The following GRXCR2 variants were observed in gnomAD, a reference collection of about 807,000 sequenced individuals.
The protein encoded by GRXCR2 is glutaredoxin and cysteine rich domain containing 2.
Under a neutral mutation model 24.8 loss-of-function variants are expected in GRXCR2, and 23 were observed. The ratio of observed to expected loss-of-function variants is 0.93; its 90% CI spans 0.67 to 1.32. The LOEUF is 1.32. Among genes scored for constraint, GRXCR2 ranks in the 40% most tolerant of loss-of-function variants. The pLI, the probability that GRXCR2 is intolerant of heterozygous loss-of-function variation, is 0.00. For missense variants in GRXCR2, 315 were observed against 303.4 expected (o/e 1.04, Z -0.28); for synonymous variants, 130 against 116.1 (o/e 1.12, Z -0.77).
At chr5:145,882,134 C>T (rs896642808) in intron 2 of GRXCR2, among the ~76,000 whole-genome samples, 7 of 152,100 alleles carry the variant, frequency 4.6e-5, no homozygotes, top group Non-Finnish European at 1.0e-4. Flanking sequence ...ACTAAAACAC[C>T]AAAAGCAATG....
At chr5:145,928,891 AC>A (rs1484265116) in intron 2 of GRXCR2, among the ~76,000 whole-genome samples, 2 of 147,834 alleles carry the variant, frequency 1.4e-5, no homozygotes, top group Non-Finnish European at 3.0e-5. Context: ...GTACCCTAAA[AC>A]TTAAAGTATA....
At chr5:145,896,946 A>G (rs1250445419) in intron 2 of GRXCR2, among the ~76,000 whole-genome samples, 12 of 152,070 alleles carry the variant, frequency 7.9e-5, no homozygotes, top group Non-Finnish European at 4.4e-5. Context: ...ATGGAATACT[A>G]TGCAGCCATA....
chr5:145,928,976 A>G (rs1366790807), intron 2 of GRXCR2, among the ~76,000 whole-genome samples: 2 of 151,934 alleles, frequency 1.3e-5, no homozygotes, highest in Non-Finnish European at 1.5e-5. Context: ...CAAAATTTTT[A>G]AAAATAAAAA....
At chr5:145,901,630 G>T (rs1246392551) in intron 2 of GRXCR2, among the ~76,000 whole-genome samples, 1 of 152,160 alleles carries the variant, frequency 6.6e-6, no homozygotes, top group Non-Finnish European at 1.5e-5. Context: ...TCAGAGTGGG[G>T]TAAATTGCAA....
chr5:145,876,724 G>A (rs899794008), upstream of GRXCR2, among the ~76,000 whole-genome samples: 2 of 152,088 alleles, frequency 1.3e-5, no homozygotes. Flanking sequence ...GATTTTCAGT[G>A]AGCCAACCTA....
At chr5:145,918,764 T>C (rs112292985) in intron 2 of GRXCR2, among the ~76,000 whole-genome samples, 3 of 152,164 alleles carry the variant, frequency 2.0e-5, no homozygotes, top group African/African-American at 7.2e-5. Context: ...AGCCCCCTCA[T>C]GCTCTCCATT....
chr5:145,894,679 T>C (rs957266227), intron 2 of GRXCR2, among the ~76,000 whole-genome samples: 2 of 152,142 alleles, frequency 1.3e-5, no homozygotes, highest in South Asian at 2.1e-4. Flanking sequence ...ACCGGATGGA[T>C]TCACAGCCGA....
At position 145,866,600 on chromosome 5, in the gene GRXCR2, C is replaced by G. The variant is rs772431701; in HGVS notation, c.465G>C (p.Glu155Asp). The change falls in exon 2 of 3, where the codon GAG becomes GAC. Residue 155 changes from glutamate to aspartate, a missense_variant. Physicochemically the swap from Glu to Asp is conservative, Grantham distance 45. Coordinates refer to ENST00000377976, the MANE Select transcript of GRXCR2 (RefSeq NM_001080516.2). ...ILQKEEEAEEESLMNKEESYG... is the reference protein window; with the variant it reads ...ILQKEEEAEEDSLMNKEESYG... Reference sequence around the variant, plus strand: ...AGCTTTCTTCTTTGTTCATCAGAGACTCTTCCTCAGCCTCCTCTTCCTTCT... The same window carrying G: ...AGCTTTCTTCTTTGTTCATCAGAGAGTCTTCCTCAGCCTCCTCTTCCTTCT... 1.2e-6 allele frequency: 2 copies of G among 1,614,112 alleles called. No homozygotes were observed. Among genetic ancestry groups the G allele is most frequent in the Non-Finnish European group, 1.7e-6 (2 of 1,179,918 alleles).
chr5:145,866,766 C>A, intron 1 of GRXCR2, 38 bp from the exon 2 acceptor site: 2 of 1,339,336 alleles, frequency 1.5e-6, no homozygotes, highest in Non-Finnish European at 2.1e-6. Flanking sequence ...ACTTTACCAC[C>A]AATCACCAAG....
At chr5:145,916,652 T>C (rs1035287031) in intron 2 of GRXCR2, among the ~76,000 whole-genome samples, 1 of 152,184 alleles carries the variant, frequency 6.6e-6, no homozygotes, top group African/African-American at 2.4e-5. Flanking sequence ...CTTATACTTT[T>C]CAAAGGAGGC....
At chr5:145,908,839 C>T (rs1161733352) in intron 2 of GRXCR2, among the ~76,000 whole-genome samples, 6 of 152,148 alleles carry the variant, frequency 3.9e-5, no homozygotes, top group Admixed American at 6.5e-5. Flanking sequence ...AGGCAATGTA[C>T]GTAGTAATGA....
intron 2 of GRXCR2, among the ~76,000 whole-genome samples, chr5:145,897,501 A>G (rs970942805): frequency 6.6e-6 from 1 of 152,064 alleles, no homozygotes; most frequent in African/African-American, 2.4e-5. Context: ...TCACCCATTA[A>G]TCACAGAATA....
intron 2 of GRXCR2, among the ~76,000 whole-genome samples, chr5:145,930,524 T>C (rs1379836566): frequency 6.6e-6 from 1 of 152,206 alleles, no homozygotes; most frequent in African/African-American, 2.4e-5. Context: ...TGGTTTCCCA[T>C]TTATAGTAGT....
intron 2 of GRXCR2, among the ~76,000 whole-genome samples, chr5:145,897,247 T>TTACATACA (rs67092971): frequency 0.034 from 5,006 of 145,904 alleles, 110 homozygotes; most frequent in Admixed American, 0.062. Flanking sequence ...CTGTTGTTTG[T>TTACATACA]TACATACATA....
At chr5:145,929,921 G>A (rs1032278240) in intron 2 of GRXCR2, among the ~76,000 whole-genome samples, 14 of 151,990 alleles carry the variant, frequency 9.2e-5, no homozygotes, top group Non-Finnish European at 1.8e-4. Flanking sequence ...TGATACACTA[G>A]ATCAGAGTCT....
In GRXCR2 at chr5:145,872,716, T is replaced by C. The variant is rs369452671; in HGVS notation, c.253A>G (p.Ile85Val). 2 of 1,613,832 alleles carry C rather than the reference T, an allele frequency of 1.2e-6. No homozygotes were observed. The highest frequency in any genetic ancestry group is 8.5e-7 in the Non-Finnish European group (1 of 1,179,916). The change falls in exon 1 of 3, where the codon ATC (isoleucine) becomes GTC (valine). Residue 85 changes from isoleucine to valine, a missense_variant. Coordinates refer to ENST00000377976, the MANE Select transcript of GRXCR2 (RefSeq NM_001080516.2). The part of the protein sequence containing the change: ...MCSPKLTAQR[I>V]SVFREGNAYT... ...GCATTACCCTCTCTAAACACACTGATCCTCTGAGCAGTCAGCTTAGGGGAG... is the reference window on the plus strand; with the variant it reads ...GCATTACCCTCTCTAAACACACTGACCCTCTGAGCAGTCAGCTTAGGGGAG...
chr5:145,922,465 T>A lies in GRXCR2; in HGVS notation c.-70+13236A>T, dbSNP rs1757335754. On this transcript the variant is annotated intron_variant, in intron 2 of 3. Coordinates refer to the GRXCR2 transcript ENST00000639411. ...TAACACTGGTTCATGATGGTCTATT[T>A]ACTTCTGTGTCACCTCCTAAGCTGG... 2.0e-5 allele frequency among the ~76,000 whole-genome samples: 3 copies of A among 152,206 alleles called. No individual in the cohort carries two copies. In the South Asian group the frequency reaches 6.2e-4, roughly 32 times the overall value.
At chr5:145,895,748 C>G (rs1756939610) in intron 2 of GRXCR2, among the ~76,000 whole-genome samples, 1 of 152,164 alleles carries the variant, frequency 6.6e-6, no homozygotes, top group Admixed American at 6.5e-5. Context: ...ATCAAGCTAC[C>G]AATGACTTTC....
At chr5:145,895,618 A>G (rs1246625830) in intron 2 of GRXCR2, among the ~76,000 whole-genome samples, 1 of 152,228 alleles carries the variant, frequency 6.6e-6, no homozygotes, top group Non-Finnish European at 1.5e-5. Context: ...ACCACTGCTC[A>G]ATGAAATAAA....
Sources: gnomAD v4.1 joint callset for allele counts (sites outside exome capture counted in the v4.1 genomes callset) on GRCh38, gnomAD v4.1.1 for gene constraint, MANE v1.5 for transcripts, NCBI Gene and HGNC (gene_info 2026-07-23, HGNC 2026-07-21) for gene names.